CNGA1: variants seen among roughly 807,000 people sequenced by gnomAD.
CNGA1 encodes cyclic nucleotide-gated channel alpha-1.
Under a neutral mutation model 69.7 loss-of-function variants are expected in CNGA1, and 53 were observed. The observed-to-expected ratio is 0.76, with a 90% CI of 0.61 to 0.96. The LOEUF (loss-of-function observed/expected upper bound fraction) is 0.96. CNGA1 is among the 40% of genes least tolerant of loss of function. The probability of loss-of-function intolerance (pLI) is 0.00; values close to 1 mark genes in which losing one functional copy is unlikely to be tolerated. For missense variants in CNGA1, 739 were observed against 811.2 expected (o/e 0.91, Z 1.08); for synonymous variants, 249 against 283.5 (o/e 0.88, Z 1.22).
chr4:47,946,567 T>C (rs2110148648), intron 6 of CNGA1, among the ~76,000 whole-genome samples: 1 of 152,348 alleles, frequency 6.6e-6, no homozygotes, highest in South Asian at 2.1e-4. Context: ...TCTGCATCAA[T>C]GGCATTCTGT....
intron 2 of CNGA1, among the ~76,000 whole-genome samples, chr4:47,994,742 G>C (rs73244464): frequency 0.057 from 8,633 of 151,848 alleles, 456 homozygotes; most frequent in East Asian, 0.32. Flanking sequence ...TTGGTTTTTT[G>C]TTTTTTAAAT....
intron 3 of CNGA1, among the ~76,000 whole-genome samples, chr4:47,968,441 C>T (rs559453687): frequency 6.6e-6 from 1 of 152,000 alleles, no homozygotes; most frequent in Admixed American, 6.6e-5. Flanking sequence ...GTGAATCTAA[C>T]ACAGTGAATC....
At chr4:47,972,424 C>T (rs1741093511) in intron 3 of CNGA1, among the ~76,000 whole-genome samples, 1 of 152,160 alleles carries the variant, frequency 6.6e-6, no homozygotes, top group Admixed American at 6.5e-5. Flanking sequence ...GTTCTAGTTT[C>T]AGTTCACTAG....
intron 3 of CNGA1, among the ~76,000 whole-genome samples, chr4:47,964,544 G>A (rs1272254625): frequency 6.6e-6 from 1 of 151,804 alleles, no homozygotes; most frequent in Non-Finnish European, 1.5e-5. Context: ...CTTGTTTTAT[G>A]GTTTTCTTTT....
At chr4:47,971,818 T>C (rs904147031) in intron 3 of CNGA1, among the ~76,000 whole-genome samples, 1 of 152,054 alleles carries the variant, frequency 6.6e-6, no homozygotes, top group Non-Finnish European at 1.5e-5. Flanking sequence ...CACTTGAACC[T>C]GGGAGGTGGA....
At chr4:48,010,675 T>C (rs984097619) in intron 2 of CNGA1, 119 bp downstream of exon 2, 1 of 153,518 alleles carries the variant, frequency 6.5e-6, no homozygotes, top group Non-Finnish European at 1.4e-5. Flanking sequence ...ACCCAGTGAC[T>C]AGTGTTCAGC....
chr4:47,993,185 G>A (rs1742346864), intron 2 of CNGA1, among the ~76,000 whole-genome samples: 2 of 152,046 alleles, frequency 1.3e-5, no homozygotes, highest in Admixed American at 1.3e-4. Context: ...TTTGGTATTA[G>A]GTTGATGCTG....
Position 47,940,788 on chromosome 4 carries a change from G to A in CNGA1, c.627C>T (p.Ile209=), listed in dbSNP as rs987620184. 1.6e-5 allele frequency: 25 copies of A among 1,606,002 alleles called. No individual in the cohort carries two copies. Among genetic ancestry groups the A allele is most frequent in the Admixed American group, 1.7e-5 (1 of 59,926 alleles). Residue 209 remains isoleucine, a synonymous_variant, in exon 10 of 11, where the codon ATC becomes ATT. Coordinates refer to ENST00000514170, the MANE Select transcript of CNGA1 (RefSeq NM_001379270.1). ...CTGTCCTTGTTCGTACAAACATATCGATTAAATAGACTATGTCTGATACGT... is the reference window on the plus strand; with the variant it reads ...CTGTCCTTGTTCGTACAAACATATCAATTAAATAGACTATGTCTGATACGT... ...LDYVSDIVYL[I]DMFVRTRTGY...
At chr4:47,986,649 G>A (rs1236173215) in intron 2 of CNGA1, among the ~76,000 whole-genome samples, 1 of 152,010 alleles carries the variant, frequency 6.6e-6, no homozygotes, top group Non-Finnish European at 1.5e-5. Flanking sequence ...TAATTCTTGA[G>A]TATCTACGGT....
At position 47,951,372 on chromosome 4, in the gene CNGA1, TTCTGAGTGAC is replaced by T. The variant is rs1279359436; in HGVS notation, c.195_204del (p.Ser66ArgfsTer20). 6.2e-7 allele frequency: 1 copy of T among 1,610,942 alleles called. No homozygotes were observed. Among genetic ancestry groups the T allele is most frequent in the Non-Finnish European group, 8.5e-7 (1 of 1,177,212 alleles). ...GCTCACCTCTGTGATGGTCCTCCCT[TTCTGAGTGAC>T]TTATAACTAAAGGAACCCCTTGCAT... On this transcript the variant is annotated frameshift_variant, in exon 5 of 11. Transcript: ENST00000514170. LOFTEE classifies it high-confidence loss of function.
At chr4:47,939,131 G>A (rs1380235769) in intron 10 of CNGA1, among the ~76,000 whole-genome samples, 2 of 152,170 alleles carry the variant, frequency 1.3e-5, no homozygotes, top group African/African-American at 4.8e-5. Context: ...CCAAGATGGG[G>A]CTGGTCACCA....
Position 47,937,092 on chromosome 4 carries a change from T to G in CNGA1, c.1390A>C (p.Asn464His). ...TTTTTTAATGTGTCTAAGTGAACGT[T>G]GATGGCAATTTCTGCTCTTAGTTTA... ...PDKLRAEIAI[N>H]VHLDTLKKVR... is the part of the protein sequence containing the mutation. The change falls in exon 11 of 11, where the codon AAC (asparagine) becomes CAC (histidine). Residue 464 changes from asparagine to histidine, a missense_variant. Coordinates refer to ENST00000514170, the MANE Select transcript of CNGA1 (RefSeq NM_001379270.1). 1.2e-6 allele frequency: 2 copies of G among 1,614,228 alleles called. No homozygotes were observed. Among genetic ancestry groups the G allele is most frequent in the Non-Finnish European group, 1.7e-6 (2 of 1,180,052 alleles).
chr4:48,015,532 A>G (rs1715340753), intron 1 of CNGA1, among the ~76,000 whole-genome samples: 1 of 152,170 alleles, frequency 6.6e-6, no homozygotes, highest in Admixed American at 6.5e-5. Context: ...CAGTGTTAAA[A>G]TGCCAGAGCA....
chr4:47,973,035 C>T (rs946516881), intron 3 of CNGA1, among the ~76,000 whole-genome samples: 22 of 150,138 alleles, frequency 1.5e-4, no homozygotes, highest in African/African-American at 5.1e-4. Flanking sequence ...GTCTGAAAGG[C>T]TGATATAGTA....
chr4:47,993,090 A>G (rs1324747389), intron 2 of CNGA1, among the ~76,000 whole-genome samples: 1 of 152,070 alleles, frequency 6.6e-6, no homozygotes, highest in Non-Finnish European at 1.5e-5. Flanking sequence ...GGATTCGGTT[A>G]GCTAGTATTT....
At chr4:47,970,432 C>T (rs1220715918) in intron 3 of CNGA1, among the ~76,000 whole-genome samples, 1 of 152,076 alleles carries the variant, frequency 6.6e-6, no homozygotes, top group Non-Finnish European at 1.5e-5. Context: ...AGGTGGATCA[C>T]CTGAGGTCGG....
intron 2 of CNGA1, among the ~76,000 whole-genome samples, chr4:47,983,450 G>C (rs72493578): frequency 6.6e-6 from 1 of 151,786 alleles, no homozygotes; most frequent in African/African-American, 2.4e-5. Flanking sequence ...CTAGCTGGGC[G>C]TGGTGGTACA....
chr4:47,942,154 G>T lies in CNGA1; in HGVS notation c.438-6C>A. Reference sequence around the variant, plus strand: ...CCACAACTTCTTTCTTCTCCCTAGCGGCAATTAGAAATAAAGGGGATAGTT... The same window carrying T: ...CCACAACTTCTTTCTTCTCCCTAGCTGCAATTAGAAATAAAGGGGATAGTT... On this transcript the variant is annotated splice_polypyrimidine_tract_variant and splice_region_variant and intron_variant, in intron 8 of 10. Coordinates refer to ENST00000514170, the MANE Select transcript of CNGA1 (RefSeq NM_001379270.1). The T allele has an allele frequency of 1.3e-6, 2 of 1,572,252 alleles. No individual in the cohort carries two copies. The highest frequency in any genetic ancestry group is 1.8e-6 in the Non-Finnish European group (2 of 1,142,078).
intron 2 of CNGA1, among the ~76,000 whole-genome samples, chr4:47,983,801 G>C (rs1741854965): frequency 6.6e-6 from 1 of 152,126 alleles, no homozygotes; most frequent in African/African-American, 2.4e-5. Flanking sequence ...ATTCTGTGAA[G>C]TAGAAAAGGT....
Sources: allele counts gnomAD v4.1 joint callset (sites outside exome capture counted in the v4.1 genomes callset), GRCh38; gene constraint gnomAD v4.1.1; transcripts MANE v1.5; gene names NCBI Gene and HGNC (gene_info 2026-07-23, HGNC 2026-07-21).